SGCZ: variants seen among roughly 807,000 people sequenced by gnomAD.
SGCZ encodes the protein zeta-sarcoglycan.
In SGCZ, 40 loss-of-function variants were observed where a neutral mutation model predicts 41.3. The ratio of observed to expected loss-of-function variants is 0.97; its 90% confidence interval spans 0.75 to 1.26. The LOEUF is 1.26. SGCZ is among the 50% of genes most tolerant of loss of function. The pLI, the probability that SGCZ is intolerant of heterozygous loss-of-function variation, is 0.00. For synonymous variants in SGCZ, 206 were observed against 137.5 expected, an observed-to-expected ratio of 1.50 and a Z score of -3.49; for missense variants, 552 against 369.8, an observed-to-expected ratio of 1.49 and a Z score of -4.04.
chr8:15,085,577 C>T (rs1475704134), intron 1 of SGCZ, among the ~76,000 whole-genome samples: 1 of 152,116 alleles, frequency 6.6e-6, no homozygotes, highest in South Asian at 2.1e-4. Flanking sequence ...CTGTAGGTAA[C>T]CTGACAGCTT....
chr8:15,098,193 AG>A (rs1205237639), intron 1 of SGCZ, among the ~76,000 whole-genome samples: 1 of 152,106 alleles, frequency 6.6e-6, no homozygotes, highest in African/African-American at 2.4e-5. Flanking sequence ...AGGAAAAAGG[AG>A]GAAGAAAAGA....
intron 1 of SGCZ, among the ~76,000 whole-genome samples, chr8:15,133,481 G>A (rs764842401): frequency 6.6e-6 from 1 of 152,092 alleles, no homozygotes; most frequent in African/African-American, 2.4e-5. Context: ...GTCGATTTTA[G>A]ACTCTCGTTA....
At chr8:14,555,804 A>G (rs1057316979) in intron 1 of SGCZ, among the ~76,000 whole-genome samples, 6 of 152,086 alleles carry the variant, frequency 3.9e-5, no homozygotes, top group Non-Finnish European at 7.4e-5. Context: ...GCAAGAACCT[A>G]TGAAAGAAAA....
chr8:14,811,861 A>G (rs1050715017), intron 1 of SGCZ, among the ~76,000 whole-genome samples: 1 of 152,050 alleles, frequency 6.6e-6, no homozygotes, highest in Non-Finnish European at 1.5e-5. Flanking sequence ...TGGAACCACA[A>G]AGATATCACT....
At chr8:14,290,473 C>G (rs931590047) in intron 3 of SGCZ, among the ~76,000 whole-genome samples, 2 of 152,038 alleles carry the variant, frequency 1.3e-5, no homozygotes, top group East Asian at 3.9e-4. Flanking sequence ...ATATAAGAAA[C>G]TCAAACAACT....
At chr8:14,536,360 A>T (rs1388595360) in intron 2 of SGCZ, among the ~76,000 whole-genome samples, 2 of 151,926 alleles carry the variant, frequency 1.3e-5, no homozygotes, top group Non-Finnish European at 2.9e-5. Context: ...CATTGATTTT[A>T]TGATGACTTC....
intron 1 of SGCZ, among the ~76,000 whole-genome samples, chr8:14,705,573 A>G (rs2119738): frequency 1 from 151,593 of 152,036 alleles, 75,577 homozygotes; most frequent in Middle Eastern, 1. Flanking sequence ...TTAATAGATC[A>G]AAATGTTTCT....
chr8:14,474,105 T>C (rs1487584066), intron 2 of SGCZ, among the ~76,000 whole-genome samples: 1 of 152,128 alleles, frequency 6.6e-6, no homozygotes, highest in Non-Finnish European at 1.5e-5. Flanking sequence ...AATCTTTCTA[T>C]TGATGAATGG....
intron 3 of SGCZ, among the ~76,000 whole-genome samples, chr8:14,260,278 C>T (rs13270188): frequency 3.4e-4 from 51 of 151,278 alleles, no homozygotes; most frequent in South Asian, 1.5e-3. Flanking sequence ...CATCAAAAAG[C>T]GGGCGAAGGA....
chr8:14,850,599 T>G (rs2130652078), intron 1 of SGCZ, among the ~76,000 whole-genome samples: 1 of 152,196 alleles, frequency 6.6e-6, no homozygotes, highest in Admixed American at 6.5e-5. Context: ...CTAAAATAAC[T>G]AAGTGAAAAA....
chr8:14,615,092 A>G (rs1012838264), intron 1 of SGCZ, among the ~76,000 whole-genome samples: 1 of 152,186 alleles, frequency 6.6e-6, no homozygotes, highest in African/African-American at 2.4e-5. Context: ...AAAAACATTT[A>G]TAGTAGACAT....
chr8:14,614,236 C>A (rs1279769549), intron 1 of SGCZ, among the ~76,000 whole-genome samples: 5 of 152,040 alleles, frequency 3.3e-5, no homozygotes, highest in Non-Finnish European at 5.9e-5. Context: ...ATCTCCAAAC[C>A]AACTTGAAAC....
chr8:14,198,684 C>T (rs976822926), intron 4 of SGCZ, among the ~76,000 whole-genome samples: 5 of 152,068 alleles, frequency 3.3e-5, no homozygotes, highest in Non-Finnish European at 7.3e-5. Flanking sequence ...TATTCTGTTG[C>T]GTGAAGTCAG....
rs896945522 is a variant in SGCZ, at chr8:14,088,048, C to A, written c.*2395G>T. On this transcript the variant is annotated 3_prime_UTR_variant, in exon 8 of 8. Coordinates refer to ENST00000382080, the MANE Select transcript of SGCZ (RefSeq NM_139167.4). ...AAATGTGTCAGTCCCTCACTGGAAT[C>A]GGTTTTTACATCTTTTTTTCTCACT... Among the ~76,000 whole-genome samples, 1 of 151,724 alleles carries A rather than the reference C, an allele frequency of 6.6e-6. No homozygotes were observed. Among genetic ancestry groups the A allele is most frequent in the Non-Finnish European group, 1.5e-5 (1 of 67,806 alleles).
At chr8:14,609,108 C>T (rs1191995685) in intron 1 of SGCZ, among the ~76,000 whole-genome samples, 2 of 152,070 alleles carry the variant, frequency 1.3e-5, no homozygotes, top group East Asian at 1.9e-4. Context: ...GTTAATTATG[C>T]ATCTTTTTTT....
At chr8:14,996,045 A>T (rs748007182) in intron 1 of SGCZ, among the ~76,000 whole-genome samples, 6 of 151,932 alleles carry the variant, frequency 3.9e-5, no homozygotes, top group Non-Finnish European at 7.4e-5. Flanking sequence ...CTGAGACTAC[A>T]GGCGCCCGCC....
chr8:14,546,605 C>T (rs564389191), intron 2 of SGCZ, among the ~76,000 whole-genome samples: 52 of 152,194 alleles, frequency 3.4e-4, no homozygotes, highest in African/African-American at 1.2e-3. Flanking sequence ...TAATTACACA[C>T]TAACTATGAG....
chr8:14,603,159 C>G (rs1805647211), intron 1 of SGCZ, among the ~76,000 whole-genome samples: 1 of 152,130 alleles, frequency 6.6e-6, no homozygotes, highest in Admixed American at 6.5e-5. Context: ...ATAGGTCAAC[C>G]TAAACCTTCG....
chr8:14,732,038 G>A (rs1036511462), intron 1 of SGCZ, among the ~76,000 whole-genome samples: 11 of 152,186 alleles, frequency 7.2e-5, no homozygotes, highest in African/African-American at 2.7e-4. Context: ...CGTGATTCAA[G>A]TACAACTTGT....
Sources: gnomAD v4.1 joint callset for allele counts (sites outside exome capture counted in the v4.1 genomes callset) on GRCh38, gnomAD v4.1.1 for gene constraint, MANE v1.5 for transcripts, NCBI Gene and HGNC (gene_info 2026-07-23, HGNC 2026-07-21) for gene names.